Variants in KCNIP4 observed in about 807,000 individuals in gnomAD.
KCNIP4 encodes Kv channel-interacting protein 4.
KCNIP4 carries 12 observed loss-of-function variants against 34.0 expected under a neutral mutation model. The observed-to-expected ratio is 0.35, with a 90% CI of 0.23 to 0.57. The LOEUF (loss-of-function observed/expected upper bound fraction) is 0.57. Ranked by LOEUF, KCNIP4 falls within the 20% of genes least tolerant of loss-of-function variation. KCNIP4 has a pLI of 0.83. For missense variants in KCNIP4, 238 were observed against 311.7 expected (o/e 0.76, Z 1.78); for synonymous variants, 124 against 102.2 (o/e 1.21, Z -1.29).
At chr4:21,402,233 G>A (rs898589766) in intron 1 of KCNIP4, among the ~76,000 whole-genome samples, 8 of 152,156 alleles carry the variant, frequency 5.3e-5, no homozygotes, top group African/African-American at 1.9e-4. Context: ...AAACCTTAGT[G>A]CTATATTTTT....
At chr4:20,980,044 G>A (rs867124236) in intron 1 of KCNIP4, among the ~76,000 whole-genome samples, 5 of 152,168 alleles carry the variant, frequency 3.3e-5, no homozygotes, top group African/African-American at 9.7e-5. Flanking sequence ...CCCACTCCAA[G>A]GTCCTGTACG....
chr4:21,917,177 C>T (rs1459023193), intron 1 of KCNIP4, among the ~76,000 whole-genome samples: 1 of 152,122 alleles, frequency 6.6e-6, no homozygotes, highest in African/African-American at 2.4e-5. Flanking sequence ...CACTGTCGCC[C>T]AGGCTGGAGT....
At chr4:21,113,455 TAAAAA>T (rs56676152) in intron 1 of KCNIP4, among the ~76,000 whole-genome samples, 1 of 62,398 alleles carries the variant, frequency 1.6e-5, no homozygotes, top group South Asian at 7.9e-4. Context: ...TCTATAAGTT[TAAAAA>T]AAAAAAAAAA....
At chr4:21,411,248 GTCAAGAGGCTT>G (rs1308084750) in intron 1 of KCNIP4, among the ~76,000 whole-genome samples, 2 of 152,116 alleles carry the variant, frequency 1.3e-5, no homozygotes, top group African/African-American at 4.8e-5. Context: ...TGATGTAATT[GTCAAGAGGCTT>G]TCTTGGGAGG....
At chr4:21,537,222 G>A (rs544961425) in intron 1 of KCNIP4, among the ~76,000 whole-genome samples, 1 of 152,272 alleles carries the variant, frequency 6.6e-6, no homozygotes, top group African/African-American at 2.4e-5. Context: ...CAAGGTTCTG[G>A]CAAATGTAGA....
Position 21,769,219 on chromosome 4 carries a change from A to G in KCNIP4, c.61+179352T>C, listed in dbSNP as rs1252871693. On this transcript the variant is annotated intron_variant, in intron 1 of 8. Coordinates refer to ENST00000382152, the MANE Select transcript of KCNIP4 (RefSeq NM_025221.6). ...ATCATATCCTGAAGGAAAACTGGAT[A>G]CTTTTATCATTTATATTTATTTTAT... Among the ~76,000 whole-genome samples, 51 of 152,110 alleles carry G rather than the reference A, an allele frequency of 3.4e-4. 1 individual carries two copies. The highest frequency in any genetic ancestry group is 3.3e-3 in the Admixed American group (51 of 15,242).
intron 1 of KCNIP4, among the ~76,000 whole-genome samples, chr4:21,240,245 G>T: frequency 9.9e-6 from 1 of 100,970 alleles, no homozygotes; most frequent in Non-Finnish European, 1.9e-5. Flanking sequence ...GAGGGGGGAG[G>T]GATAGCATTA....
At chr4:21,675,341 A>C (rs552450630) in intron 1 of KCNIP4, among the ~76,000 whole-genome samples, 6 of 152,230 alleles carry the variant, frequency 3.9e-5, no homozygotes, top group Admixed American at 3.9e-4. Context: ...AATGGGTGCA[A>C]AAAATAATTA....
At chr4:21,650,346 T>C (rs1747386244) in intron 1 of KCNIP4, among the ~76,000 whole-genome samples, 1 of 152,174 alleles carries the variant, frequency 6.6e-6, no homozygotes, top group African/African-American at 2.4e-5. Context: ...TTGGTAGTCA[T>C]AGTAGGGGGT....
At chr4:21,733,478 T>C (rs756809012) in intron 1 of KCNIP4, among the ~76,000 whole-genome samples, 13 of 152,300 alleles carry the variant, frequency 8.5e-5, no homozygotes, top group Non-Finnish European at 1.3e-4. Flanking sequence ...TAGTGCTCTG[T>C]GGAGCATATA....
At chr4:20,961,643 G>A (rs764286030) in intron 1 of KCNIP4, among the ~76,000 whole-genome samples, 22 of 152,138 alleles carry the variant, frequency 1.4e-4, no homozygotes, top group African/African-American at 3.9e-4. Context: ...ACTACAAAGC[G>A]CTGGTGTGGT....
chr4:21,404,372 T>G lies in KCNIP4; in HGVS notation c.62-521663A>C, dbSNP rs542133255. Among the ~76,000 whole-genome samples the G allele has an allele frequency of 8.6e-4, 131 of 152,336 alleles. 1 individual carries two copies. Among genetic ancestry groups the G allele is most frequent in the Admixed American group, 1.2e-3 (18 of 15,296 alleles). On this transcript the variant is annotated intron_variant, in intron 1 of 8. Coordinates refer to ENST00000382152, the MANE Select transcript of KCNIP4 (RefSeq NM_025221.6). Reference sequence around the variant, plus strand: ...TCCATTCCCTCAAGTCTAGAACACTTCTAGTTCCTTAGTAACTGCTTAGTA... The same window carrying G: ...TCCATTCCCTCAAGTCTAGAACACTGCTAGTTCCTTAGTAACTGCTTAGTA...
rs561296519 is a variant in KCNIP4, at chr4:21,909,300, T to A, written c.61+39271A>T. On this transcript the variant is annotated intron_variant, in intron 1 of 8. Transcript: ENST00000382152. ...CCTCACTCATCATCCTCCAGCCAAG[T>A]AAATGTCTCTGAATTCTTCAGTCAG... 1.3e-5 allele frequency among the ~76,000 whole-genome samples: 2 copies of A among 152,236 alleles called. 1 individual carries two copies. The highest frequency in any genetic ancestry group is 4.1e-4 in the South Asian group (2 of 4,822).
At chr4:21,590,651 A>G (rs1742124707) in intron 1 of KCNIP4, among the ~76,000 whole-genome samples, 1 of 152,042 alleles carries the variant, frequency 6.6e-6, no homozygotes, top group Non-Finnish European at 1.5e-5. Flanking sequence ...ACATATATTA[A>G]AAATAACCTT....
intron 1 of KCNIP4, among the ~76,000 whole-genome samples, chr4:21,297,586 T>G (rs1388932337): frequency 1.3e-5 from 2 of 152,158 alleles, no homozygotes; most frequent in Non-Finnish European, 2.9e-5. Flanking sequence ...ACCAATCATT[T>G]TTAGTTCATT....
intron 1 of KCNIP4, among the ~76,000 whole-genome samples, chr4:21,442,959 C>T (rs1236361040): frequency 1.3e-5 from 2 of 152,206 alleles, no homozygotes; most frequent in Admixed American, 1.3e-4. Context: ...TCTTTTCAAT[C>T]TCAGTTAATG....
At chr4:20,841,912 T>C (rs1360898914) in intron 3 of KCNIP4, among the ~76,000 whole-genome samples, 2 of 152,146 alleles carry the variant, frequency 1.3e-5, no homozygotes, top group Admixed American at 6.5e-5. Flanking sequence ...AGTCCTTTTT[T>C]CTACCTTCCC....
At chr4:21,334,688 C>T (rs1715994492) in intron 1 of KCNIP4, among the ~76,000 whole-genome samples, 1 of 152,028 alleles carries the variant, frequency 6.6e-6, no homozygotes, top group African/African-American at 2.4e-5. Context: ...CACCCCCACC[C>T]CAGGCAAACA....
At chr4:20,889,880 CAA>C (rs939224653) in intron 1 of KCNIP4, among the ~76,000 whole-genome samples, 3 of 150,956 alleles carry the variant, frequency 2.0e-5, no homozygotes, top group Admixed American at 6.6e-5. Context: ...CAAAGCAATA[CAA>C]AAAGAGATGA....
Sources: gnomAD v4.1 joint callset for allele counts (sites outside exome capture counted in the v4.1 genomes callset) on GRCh38, gnomAD v4.1.1 for gene constraint, MANE v1.5 for transcripts, NCBI Gene and HGNC (gene_info 2026-07-23, HGNC 2026-07-21) for gene names.